Variants in PSD2 observed in about 807,000 individuals in gnomAD.
PSD2 encodes the protein pleckstrin and Sec7 domain containing 2, also known as PH and SEC7 domain-containing protein 2.
PSD2 carries 38 observed loss-of-function variants against 69.8 expected under a neutral mutation model. The ratio of observed to expected loss-of-function variants is 0.54; its 90% CI spans 0.42 to 0.71. The LOEUF (loss-of-function observed/expected upper bound fraction) is 0.71, where lower values mean the gene tolerates loss of function less well. Among genes scored for constraint, PSD2 ranks in the 30% least tolerant of loss-of-function variants. PSD2 has a pLI of 0.00. For missense variants in PSD2, 943 were observed against 1,014.5 expected (o/e 0.93, Z 0.96); for synonymous variants, 412 against 423.0 (o/e 0.97, Z 0.32).
the PSD2 span, among the ~76,000 whole-genome samples, chr5:139,769,624 G>A: frequency 0.018 from 2,759 of 152,308 alleles, 54 homozygotes; most frequent in African/African-American, 0.039. Context: ...TCCAGCACTT[G>A]CCCAGCCCTT....
At chr5:139,744,358 G>T in the PSD2 span, among the ~76,000 whole-genome samples, 1 of 152,146 alleles carries the variant, frequency 6.6e-6, no homozygotes, top group African/African-American at 2.4e-5. Context: ...AGGAATGGGG[G>T]AAGTCCTGCC....
intron 1 of PSD2, among the ~76,000 whole-genome samples, chr5:139,806,123 G>A (rs76466214): frequency 1.3e-5 from 2 of 152,372 alleles, no homozygotes; most frequent in East Asian, 1.9e-4. Context: ...CAAGGGCTGA[G>A]GCTAGTGGGA....
At chr5:139,836,267 C>A (rs543915629) in intron 9 of PSD2, among the ~76,000 whole-genome samples, 8 of 152,114 alleles carry the variant, frequency 5.3e-5, no homozygotes, top group African/African-American at 9.7e-5. Flanking sequence ...TTGGGGAGAC[C>A]GTGAAAGGCT....
chr5:139,775,767 C>G, the PSD2 span, among the ~76,000 whole-genome samples: 695 of 152,356 alleles, frequency 4.6e-3, 4 homozygotes, highest in Non-Finnish European at 7.2e-3. Context: ...CTCCGAGGTT[C>G]AAGCGATTCT....
chr5:139,818,972 A>C (rs1248485978), intron 5 of PSD2, among the ~76,000 whole-genome samples: 1 of 151,980 alleles, frequency 6.6e-6, no homozygotes, highest in Admixed American at 6.6e-5. Context: ...TTTTTTGAAC[A>C]TATTAGTTGT....
At chr5:139,824,391 C>CTT (rs1760356480) in intron 7 of PSD2, among the ~76,000 whole-genome samples, 2 of 133,656 alleles carry the variant, frequency 1.5e-5, no homozygotes, top group Non-Finnish European at 3.2e-5. Flanking sequence ...TCGTCTCTCT[C>CTT]TTGTTTTTTT....
the PSD2 span, among the ~76,000 whole-genome samples, chr5:139,782,875 T>A: frequency 6.6e-6 from 1 of 152,220 alleles, no homozygotes; most frequent in African/African-American, 2.4e-5. Flanking sequence ...TTTAACCATT[T>A]TTAAGTGTGC....
intron 4 of PSD2, among the ~76,000 whole-genome samples, chr5:139,816,979 C>G (rs1189444693): frequency 1.3e-5 from 2 of 152,214 alleles, no homozygotes; most frequent in Admixed American, 1.3e-4. Flanking sequence ...TCTCTTTTCC[C>G]CATCCCTTCT....
chr5:139,756,433 C>G, the PSD2 span, among the ~76,000 whole-genome samples: 1 of 152,230 alleles, frequency 6.6e-6, no homozygotes, highest in Non-Finnish European at 1.5e-5. Context: ...TAGGGTCAGA[C>G]TGGGAAGTCC....
chr5:139,783,668 C>A, the PSD2 span, among the ~76,000 whole-genome samples: 15 of 152,118 alleles, frequency 9.9e-5, no homozygotes, highest in African/African-American at 2.6e-4. Flanking sequence ...TATTTCATAA[C>A]CCTGCTGTTG....
At chr5:139,832,017 T>G (rs899141003) in intron 7 of PSD2, among the ~76,000 whole-genome samples, 4 of 152,136 alleles carry the variant, frequency 2.6e-5, no homozygotes, top group African/African-American at 9.7e-5. Flanking sequence ...GGAATGCTGC[T>G]CTTTCTGGGG....
the PSD2 span, among the ~76,000 whole-genome samples, chr5:139,786,814 C>T: frequency 4.3e-4 from 66 of 152,150 alleles, no homozygotes; most frequent in Non-Finnish European, 6.9e-4. Flanking sequence ...CAACTTGACG[C>T]GTTTTTGGAA....
At chr5:139,797,936 G>A (rs1345463293) in intron 1 of PSD2, among the ~76,000 whole-genome samples, 2 of 152,140 alleles carry the variant, frequency 1.3e-5, no homozygotes, top group African/African-American at 4.8e-5. Context: ...GGGTGACCTT[G>A]GGAAAAACAA....
At chr5:139,766,918 TTC>T in the PSD2 span, among the ~76,000 whole-genome samples, 7 of 43,350 alleles carry the variant, frequency 1.6e-4, 1 homozygote, top group Admixed American at 1.8e-3. Flanking sequence ...CCTTCCTTCC[TTC>T]CTTCCTTCCC....
upstream of PSD2, among the ~76,000 whole-genome samples, chr5:139,793,720 GACA>G (rs939945099): frequency 2.0e-5 from 3 of 152,184 alleles, no homozygotes; most frequent in African/African-American, 7.2e-5. Flanking sequence ...CCATCCAGTG[GACA>G]ACAATTAAAT....
chr5:139,837,351 G>A lies in PSD2; in HGVS notation c.1665+113G>A, dbSNP rs2126968188. ...AGGACCTGGGGCTCAGGCACATGCT[G>A]GGTCCTTCCCCAGACTTGGGCCCTC... is the stretch of plus-strand genomic sequence containing the variant. On this transcript the variant is annotated intron_variant, in intron 11 of 14. Coordinates refer to ENST00000274710, the MANE Select transcript of PSD2 (RefSeq NM_032289.4). The surrounding 1 kb of genome is among the most constrained non-coding windows in gnomAD (Gnocchi z 5.0). The A allele has an allele frequency of 1.8e-6, 2 of 1,090,900 alleles. No homozygotes were observed. Among genetic ancestry groups the A allele is most frequent in the Non-Finnish European group, 2.7e-6 (2 of 742,410 alleles). 67.6% of individuals were successfully genotyped at this position (1,090,900 alleles called of 1,614,324 possible).
rs974302130 is a variant in PSD2 at position 139,840,241 on chromosome 5, G to A, written c.2112+71G>A. On this transcript the variant is annotated intron_variant, in intron 14 of 14. Transcript: ENST00000274710. The stretch of plus-strand genomic sequence containing the variant: ...TCTCCTTCCTGCCTGGCCTGATGTG[G>A]GACTGGGGAGGTGAAGCCTAGTGAT... 1.5e-5 allele frequency: 23 copies of A among 1,543,340 alleles called. No individual in the cohort carries two copies. In the African/African-American group the frequency reaches 2.9e-4, roughly 19 times the overall value.
In PSD2 at chr5:139,839,191, C is replaced by A. The variant is rs191498699; in HGVS notation, c.1968+419C>A. ...TTATTTGTAATCCTAGAAAACCCAA[C>A]ACACCCATGCTGCAGGTTCTCAGGG... On this transcript the variant is annotated intron_variant, in intron 13 of 14. Transcript: ENST00000274710. The surrounding 1 kb of genome is among the most constrained non-coding windows in gnomAD (Gnocchi z 5.1). Among the ~76,000 whole-genome samples, 1 of 152,374 alleles carries A rather than the reference C, an allele frequency of 6.6e-6. No homozygotes were observed. Among genetic ancestry groups the A allele is most frequent in the African/African-American group, 2.4e-5 (1 of 41,598 alleles).
At chr5:139,825,369 G>T (rs1760391004) in intron 7 of PSD2, among the ~76,000 whole-genome samples, 1 of 152,254 alleles carries the variant, frequency 6.6e-6, no homozygotes, top group African/African-American at 2.4e-5. Context: ...TCGTGCACAA[G>T]TTTTCGTTTG....
Sources: allele counts gnomAD v4.1 joint callset (sites outside exome capture counted in the v4.1 genomes callset), GRCh38; gene constraint gnomAD v4.1.1; non-coding constraint Gnocchi (gnomAD v3.1); transcripts MANE v1.5; gene names NCBI Gene and HGNC (gene_info 2026-07-23, HGNC 2026-07-21).